Variants in DYNC1I1 observed in about 807,000 individuals in gnomAD.
DYNC1I1 encodes cytoplasmic dynein 1 intermediate chain 1.
A neutral mutation model predicts 86.6 loss-of-function variants in DYNC1I1; 43 were observed. The ratio of observed to expected loss-of-function variants is 0.50; its 90% CI spans 0.39 to 0.64. DYNC1I1 has a LOEUF of 0.64. Among genes scored for constraint, DYNC1I1 ranks in the 30% least tolerant of loss-of-function variants. The probability of loss-of-function intolerance (pLI) is 0.00; values close to 1 mark genes in which losing one functional copy is unlikely to be tolerated. For missense variants in DYNC1I1, 604 were observed against 788.8 expected (o/e 0.77, Z 2.81); for synonymous variants, 262 against 283.7 (o/e 0.92, Z 0.77).
At chr7:95,906,013 G>C (rs1791167692) in intron 6 of DYNC1I1, among the ~76,000 whole-genome samples, 1 of 152,180 alleles carries the variant, frequency 6.6e-6, no homozygotes, top group Admixed American at 6.6e-5. Context: ...CCAACGGTAA[G>C]GACCCAGTGA....
chr7:95,994,128 A>G (rs576277442), intron 9 of DYNC1I1, among the ~76,000 whole-genome samples: 17 of 152,298 alleles, frequency 1.1e-4, no homozygotes, highest in African/African-American at 4.1e-4. Context: ...GCCTTTAATT[A>G]TTAGCATTGT....
intron 1 of DYNC1I1, among the ~76,000 whole-genome samples, chr7:95,796,544 A>C (rs912329200): frequency 2.6e-5 from 4 of 151,926 alleles, no homozygotes; most frequent in African/African-American, 9.7e-5. Context: ...TAGAAGTCTT[A>C]CTCAGATCTC....
At position 96,097,787 on chromosome 7, in the gene DYNC1I1, CA is replaced by C; in HGVS notation, c.*195del. 7.6e-7 allele frequency: 1 copy of C among 1,309,660 alleles called. No individual in the cohort carries two copies. The highest frequency in any genetic ancestry group is 9.7e-7 in the Non-Finnish European group (1 of 1,026,680). 81.1% of individuals were successfully genotyped at this position (1,309,660 alleles called of 1,614,324 possible). On this transcript the variant is annotated 3_prime_UTR_variant, in exon 17 of 17. Coordinates refer to ENST00000447467, the MANE Select transcript of DYNC1I1 (RefSeq NM_001135556.2). ...CTTTCCACTGACCCAAAATTCACCA[CA>C]GCATTTCTATCTTTATATTTCTGTC...
At chr7:96,028,522 C>A (rs950513289) in intron 11 of DYNC1I1, among the ~76,000 whole-genome samples, 5 of 152,176 alleles carry the variant, frequency 3.3e-5, no homozygotes, top group African/African-American at 1.2e-4. Flanking sequence ...TAATAACCTA[C>A]ATGTGCTAGC....
chr7:95,804,438 T>C (rs369175341), intron 1 of DYNC1I1: 1 of 1,198,578 alleles, frequency 8.3e-7, no homozygotes, highest in African/African-American at 1.6e-5. Flanking sequence ...AGAAAATGTG[T>C]TGCTTATCTG....
intron 5 of DYNC1I1, among the ~76,000 whole-genome samples, chr7:95,829,173 T>C (rs796264548): frequency 2.6e-5 from 4 of 152,208 alleles, no homozygotes; most frequent in African/African-American, 9.6e-5. Flanking sequence ...CCTGGGCATA[T>C]ATCTCTGAGG....
At chr7:95,827,911 G>C in intron 4 of DYNC1I1, 146 bp from the exon 5 acceptor site, 1 of 680,704 alleles carries the variant, frequency 1.5e-6, no homozygotes, top group Non-Finnish European at 2.6e-6. Context: ...GATAGTCACT[G>C]GGGGTGGAGG....
At chr7:95,797,741 A>G (rs765642373) in intron 1 of DYNC1I1, among the ~76,000 whole-genome samples, 2 of 152,232 alleles carry the variant, frequency 1.3e-5, no homozygotes, top group Non-Finnish European at 2.9e-5. Context: ...AAGAATATCC[A>G]CAATTACCTG....
chr7:95,987,523 T>C (rs965417033), intron 9 of DYNC1I1, among the ~76,000 whole-genome samples: 1 of 152,194 alleles, frequency 6.6e-6, no homozygotes, highest in African/African-American at 2.4e-5. Flanking sequence ...CCTCTTTCCA[T>C]TGAATTCTCA....
chr7:95,928,734 C>T (rs1469648244), intron 6 of DYNC1I1, among the ~76,000 whole-genome samples: 3 of 152,174 alleles, frequency 2.0e-5, no homozygotes, highest in Non-Finnish European at 4.4e-5. Context: ...TTTCAACTGG[C>T]TAATACGGCC....
At chr7:96,004,709 A>G (rs1006447963) in intron 10 of DYNC1I1, among the ~76,000 whole-genome samples, 1 of 152,022 alleles carries the variant, frequency 6.6e-6, no homozygotes, top group Non-Finnish European at 1.5e-5. Context: ...GTCAAAAGCT[A>G]TATTTCACAA....
At chr7:95,950,986 T>C (rs529040475) in intron 6 of DYNC1I1, among the ~76,000 whole-genome samples, 15 of 152,262 alleles carry the variant, frequency 9.9e-5, no homozygotes, top group African/African-American at 3.6e-4. Context: ...CACTTCAAAA[T>C]GAAATTGTCT....
chr7:95,984,708 T>A (rs537519725), intron 7 of DYNC1I1, 107 bp from the exon 8 acceptor site: 1 of 1,082,014 alleles, frequency 9.2e-7, no homozygotes, highest in South Asian at 1.9e-5. Context: ...GTCTTGCCAC[T>A]CGTTTGATAA....
At chr7:96,027,283 A>T (rs1367254265) in intron 10 of DYNC1I1, among the ~76,000 whole-genome samples, 1 of 152,212 alleles carries the variant, frequency 6.6e-6, no homozygotes, top group Non-Finnish European at 1.5e-5. Flanking sequence ...CATGAAATGT[A>T]TTGACTAAAA....
At chr7:96,061,668 CCTCT>C (rs1299679932) in intron 14 of DYNC1I1, among the ~76,000 whole-genome samples, 1 of 119,574 alleles carries the variant, frequency 8.4e-6, no homozygotes, top group East Asian at 2.5e-4. Flanking sequence ...TCTCTCTCTT[CCTCT>C]CTCTCTCTCC....
intron 2 of DYNC1I1, among the ~76,000 whole-genome samples, chr7:95,808,865 T>C (rs753218374): frequency 6.6e-6 from 1 of 152,132 alleles, no homozygotes; most frequent in East Asian, 1.9e-4. Context: ...TAAAACATAG[T>C]AGGATTCTGT....
At chr7:95,960,932 C>T (rs534259017) in intron 6 of DYNC1I1, among the ~76,000 whole-genome samples, 4 of 152,318 alleles carry the variant, frequency 2.6e-5, no homozygotes, top group South Asian at 2.1e-4. Flanking sequence ...TGCTTGTAAA[C>T]GTCTCCGCCA....
intron 6 of DYNC1I1, among the ~76,000 whole-genome samples, chr7:95,902,184 G>C (rs1398322219): frequency 6.6e-6 from 1 of 152,146 alleles, no homozygotes; most frequent in African/African-American, 2.4e-5. Flanking sequence ...TTTGGTATAT[G>C]AGCCCAGGAG....
At chr7:95,839,147 C>T (rs1170339825) in intron 5 of DYNC1I1, among the ~76,000 whole-genome samples, 1 of 152,182 alleles carries the variant, frequency 6.6e-6, no homozygotes, top group Non-Finnish European at 1.5e-5. Context: ...TCTCCTGCCT[C>T]AGCCTCCCAA....
Sources: allele counts gnomAD v4.1 joint callset (sites outside exome capture counted in the v4.1 genomes callset), GRCh38; gene constraint gnomAD v4.1.1; transcripts MANE v1.5; gene names NCBI Gene and HGNC (gene_info 2026-07-23, HGNC 2026-07-21).